Variants in SLC7A8 observed in about 807,000 individuals in gnomAD.
SLC7A8 encodes the protein solute carrier family 7 member 8.
In SLC7A8, 30 loss-of-function variants were observed where a neutral mutation model predicts 51.2. The observed-to-expected ratio is 0.59, with a 90% CI of 0.44 to 0.80. The LOEUF is 0.80. Ranked by LOEUF, SLC7A8 falls within the 30% of genes least tolerant of loss-of-function variation. The pLI, the probability that SLC7A8 is intolerant of heterozygous loss-of-function variation, is 0.00. For missense variants in SLC7A8, 612 were observed against 674.4 expected (o/e 0.91, Z 1.03); for synonymous variants, 257 against 275.8 (o/e 0.93, Z 0.67).
intron 4 of SLC7A8, among the ~76,000 whole-genome samples, chr14:23,142,810 G>T (rs2048757501): frequency 6.6e-6 from 1 of 152,116 alleles, no homozygotes; most frequent in Non-Finnish European, 1.5e-5. Flanking sequence ...CCGATATGTG[G>T]GGTCTTTACC....
intron 7 of SLC7A8, among the ~76,000 whole-genome samples, chr14:23,135,171 T>C (rs2048677484): frequency 6.6e-6 from 1 of 152,030 alleles, no homozygotes; most frequent in Admixed American, 6.6e-5. Flanking sequence ...CACTGCAACC[T>C]CCGCCTCCTG....
intron 1 of SLC7A8, among the ~76,000 whole-genome samples, chr14:23,181,057 T>C (rs1270553560): frequency 1.3e-5 from 2 of 152,002 alleles, no homozygotes; most frequent in African/African-American, 4.8e-5. Context: ...GAACCTATAT[T>C]GGGAAGGGCG....
chr14:23,144,667 C>T (rs1224782771), intron 3 of SLC7A8, among the ~76,000 whole-genome samples: 1 of 152,088 alleles, frequency 6.6e-6, no homozygotes, highest in African/African-American at 2.4e-5. Context: ...GTAGGATGGT[C>T]CTGACATTAA....
intron 1 of SLC7A8, among the ~76,000 whole-genome samples, chr14:23,175,357 T>G (rs1047318462): frequency 1.3e-5 from 2 of 152,134 alleles, no homozygotes; most frequent in Non-Finnish European, 2.9e-5. Context: ...TACAGGAATC[T>G]GCCACCACAT....
intron 1 of SLC7A8, among the ~76,000 whole-genome samples, chr14:23,171,861 A>T (rs1186003884): frequency 6.6e-6 from 1 of 152,198 alleles, no homozygotes; most frequent in African/African-American, 2.4e-5. Flanking sequence ...ACAGCTCCTC[A>T]GGGGTGGTAG....
intron 1 of SLC7A8, among the ~76,000 whole-genome samples, chr14:23,177,502 G>C (rs552874093): frequency 1.3e-5 from 2 of 152,350 alleles, no homozygotes; most frequent in East Asian, 3.9e-4. Flanking sequence ...GAGGCTGCCT[G>C]ATTCACAAAT....
chr14:23,182,564 T>C (rs1013398012), intron 1 of SLC7A8, among the ~76,000 whole-genome samples, 200 bp downstream of exon 1: 1 of 152,212 alleles, frequency 6.6e-6, no homozygotes, highest in African/African-American at 2.4e-5. Context: ...GGCAGAATCT[T>C]TGCCTGGTTT....
chr14:23,177,746 C>G (rs1876987495), intron 1 of SLC7A8, among the ~76,000 whole-genome samples: 1 of 152,168 alleles, frequency 6.6e-6, no homozygotes, highest in South Asian at 2.1e-4. Flanking sequence ...GCCAGATGCC[C>G]CTCAGGCTCA....
intron 1 of SLC7A8, among the ~76,000 whole-genome samples, chr14:23,174,930 T>A (rs574189894): frequency 6.6e-6 from 1 of 152,362 alleles, no homozygotes; most frequent in South Asian, 2.1e-4. Context: ...GATATACTCC[T>A]GGGATCATTT....
intron 4 of SLC7A8, among the ~76,000 whole-genome samples, chr14:23,141,500 A>C (rs1472565083): frequency 6.6e-6 from 1 of 152,054 alleles, no homozygotes; most frequent in African/African-American, 2.4e-5. Flanking sequence ...CCCAGGCTGG[A>C]GTGCAGTGGC....
intron 1 of SLC7A8, among the ~76,000 whole-genome samples, chr14:23,168,189 T>C (rs936215880): frequency 6.6e-5 from 10 of 152,196 alleles, no homozygotes; most frequent in Non-Finnish European, 1.2e-4. Flanking sequence ...TTACAGACTT[T>C]TCCTCTTCTT....
chr14:23,175,933 ATG>A (rs2048997045), intron 1 of SLC7A8, among the ~76,000 whole-genome samples: 2 of 152,324 alleles, frequency 1.3e-5, no homozygotes, highest in African/African-American at 4.8e-5. Context: ...ACTCACCAAG[ATG>A]TGTTTGTTTT....
chr14:23,164,777 A>G (rs928026122), intron 3 of SLC7A8, among the ~76,000 whole-genome samples: 9 of 152,140 alleles, frequency 5.9e-5, no homozygotes, highest in Admixed American at 5.9e-4. Context: ...GGATCACTTG[A>G]GGTCAGGAGT....
intron 1 of SLC7A8, among the ~76,000 whole-genome samples, chr14:23,167,792 C>G (rs771528869): frequency 3.3e-5 from 5 of 152,094 alleles, no homozygotes; most frequent in Non-Finnish European, 7.3e-5. Flanking sequence ...CTGAGGTCAG[C>G]TGGATTTGAC....
chr14:23,151,055 T>C (rs1310686804), intron 3 of SLC7A8, among the ~76,000 whole-genome samples: 1 of 152,186 alleles, frequency 6.6e-6, no homozygotes, highest in Non-Finnish European at 1.5e-5. Flanking sequence ...CCAGGTCTTA[T>C]AAGTCACGTG....
intron 3 of SLC7A8, chr14:23,155,476 C>G: frequency 7.1e-7 from 1 of 1,413,630 alleles, no homozygotes; most frequent in Non-Finnish European, 9.2e-7. Context: ...TTAGCTCAGC[C>G]AAGAGGCAGG....
rs1235734696 is a variant in SLC7A8 at position 23,140,500 on chromosome 14, G to A, written c.759C>T (p.Tyr253=). Residue 253 remains tyrosine (Y), a synonymous_variant, in exon 5 of 11, where the codon TAC becomes TAT. Coordinates refer to ENST00000316902, the MANE Select transcript of SLC7A8 (RefSeq NM_012244.4). ...AGGGATCAACAAGCTCCTCAGTCAC[G>A]TAATTCAGAAAGTTCCAGCCTCCAT... The part of the protein sequence containing the change: ...FAYGGWNFLN[Y]VTEELVDPYK... The A allele has an allele frequency of 9.9e-6, 16 of 1,613,456 alleles. No homozygotes were observed. Among genetic ancestry groups the A allele is most frequent in the East Asian group, 2.2e-5 (1 of 44,896 alleles).
chr14:23,150,382 T>A (rs1293397872), intron 3 of SLC7A8, among the ~76,000 whole-genome samples: 2 of 151,992 alleles, frequency 1.3e-5, no homozygotes, highest in East Asian at 3.9e-4. Context: ...AGGTGTGAAG[T>A]GGTAAGAATG....
chr14:23,182,784 C>T lies in SLC7A8; in HGVS notation c.131G>A (p.Ser44Asn), dbSNP rs760406023. 6.2e-7 allele frequency: 1 copy of T among 1,602,742 alleles called. No individual in the cohort carries two copies. The highest frequency in any genetic ancestry group is 8.5e-7 in the Non-Finnish European group (1 of 1,175,468). The stretch of plus-strand genomic sequence containing the variant: ...CTCACCTACGATGATACCACAGGCA[C>T]TGACCAATCCGATCTCTTTCTTCAG... ...VALKKEIGLV[S>N]ACGIIVGNII... The change falls in exon 1 of 11, where the codon AGT becomes AAT. Residue 44 changes from serine to asparagine, a missense_variant. Transcript: ENST00000316902.
Sources: allele counts gnomAD v4.1 joint callset (sites outside exome capture counted in the v4.1 genomes callset), GRCh38; gene constraint gnomAD v4.1.1; transcripts MANE v1.5; gene names NCBI Gene and HGNC (gene_info 2026-07-23, HGNC 2026-07-21).